The following TNIK variants were observed in gnomAD, a reference collection of about 807,000 sequenced individuals.
TNIK encodes the protein TRAF2 and NCK-interacting protein kinase.
Under a neutral mutation model 191.3 loss-of-function variants are expected in TNIK, and 49 were observed. The ratio of observed to expected loss-of-function variants is 0.26; its 90% confidence interval spans 0.20 to 0.32. The LOEUF is 0.32. TNIK is among the 10% of genes least tolerant of loss of function. The probability of loss-of-function intolerance (pLI) is 1.00; values close to 1 mark genes in which losing one functional copy is unlikely to be tolerated. For synonymous variants in TNIK, 594 were observed against 600.9 expected, an observed-to-expected ratio of 0.99 and a Z score of 0.17; for missense variants, 1,155 against 1,702.3, an observed-to-expected ratio of 0.68 and a Z score of 5.66.
chr3:171,398,125 C>A (rs557962725), intron 1 of TNIK, among the ~76,000 whole-genome samples: 1 of 152,182 alleles, frequency 6.6e-6, no homozygotes, highest in Non-Finnish European at 1.5e-5. Context: ...TCTTTTCACA[C>A]CAGTCACAGT....
intron 3 of TNIK, among the ~76,000 whole-genome samples, chr3:171,220,913 A>C (rs1034569708): frequency 2.0e-5 from 3 of 152,196 alleles, no homozygotes; most frequent in African/African-American, 4.8e-5. Flanking sequence ...GCATACACAT[A>C]CAACAAGCCC....
At chr3:171,346,698 G>A (rs1712258088) in intron 2 of TNIK, among the ~76,000 whole-genome samples, 1 of 142,272 alleles carries the variant, frequency 7.0e-6, no homozygotes, top group South Asian at 2.5e-4. Context: ...AAAGTGACAT[G>A]GAGTTAATAA....
Position 171,312,113 on chromosome 3 carries a change from T to TAAAAAAAAAAAAA in TNIK, c.123+57494_123+57506dup, listed in dbSNP as rs5854415. On this transcript the variant is annotated intron_variant, in intron 2 of 32. Coordinates refer to ENST00000436636, the MANE Select transcript of TNIK (RefSeq NM_015028.4). ...GCTGTCCCTAACGGCAGCTCCAGAT[T>TAAAAAAAAAAAAA]AAAAAAAAAAAAAAAAAAAAAAAAA... 8.9e-5 allele frequency among the ~76,000 whole-genome samples: 2 copies of TAAAAAAAAAAAAA among 22,536 alleles called. 1 individual carries two copies. Among genetic ancestry groups the TAAAAAAAAAAAAA allele is most frequent in the Non-Finnish European group, 1.5e-4 (2 of 13,058 alleles). The allele number at this position is 22,536 out of a possible 152,430, so 14.8% of individuals were successfully genotyped here. A position where few individuals can be genotyped will look rare whatever the true frequency, so the allele number is the denominator to read the frequency against.
Position 171,157,758 on chromosome 3 carries a change from C to T in TNIK, c.1017-94G>A, listed in dbSNP as rs958739420. On this transcript the variant is annotated intron_variant, in intron 11 of 32. Coordinates refer to ENST00000436636, the MANE Select transcript of TNIK (RefSeq NM_015028.4). ...GGAGGAAAGCGGGACAAATGATTCA[C>T]CCACACACAGGGAAAGAAGAGCACA... 1.1e-5 allele frequency: 14 copies of T among 1,265,784 alleles called. No homozygotes were observed. In the African/African-American group the frequency reaches 2.1e-4, roughly 19 times the overall value. The allele number at this position is 1,265,784 out of a possible 1,614,324, so 78.4% of individuals were successfully genotyped here. A position where few individuals can be genotyped will look rare whatever the true frequency, so the allele number is the denominator to read the frequency against.
intron 2 of TNIK, among the ~76,000 whole-genome samples, chr3:171,265,176 G>T (rs1159862038): frequency 6.6e-6 from 1 of 152,212 alleles, no homozygotes; most frequent in African/African-American, 2.4e-5. Flanking sequence ...AGAATATGGT[G>T]CATGAGTGTA....
At chr3:171,237,070 G>A (rs1744364221) in intron 2 of TNIK, among the ~76,000 whole-genome samples, 1 of 152,150 alleles carries the variant, frequency 6.6e-6, no homozygotes, top group African/African-American at 2.4e-5. Context: ...GCAGCAGCAG[G>A]AGCAGTCTCC....
chr3:171,388,820 C>T lies in TNIK; in HGVS notation c.58-19135G>A, dbSNP rs548130967. Among the ~76,000 whole-genome samples, 6 of 152,328 alleles carry T rather than the reference C, an allele frequency of 3.9e-5. No individual in the cohort carries two copies. In the South Asian group the frequency reaches 1.2e-3, roughly 32 times the overall value. On this transcript the variant is annotated intron_variant, in intron 1 of 32. Transcript: ENST00000436636. ...TAACAGTATTTGACTATAGCACTTG[C>T]CATGTATTGTAACTATGTGTTTAAG...
intron 2 of TNIK, among the ~76,000 whole-genome samples, chr3:171,347,496 T>C (rs959727923): frequency 1.3e-5 from 2 of 152,002 alleles, no homozygotes; most frequent in African/African-American, 4.8e-5. Flanking sequence ...CTATTTCAAC[T>C]CCACTATCAT....
intron 2 of TNIK, among the ~76,000 whole-genome samples, chr3:171,310,497 TAAGA>T (rs1417462906): frequency 6.6e-6 from 1 of 152,180 alleles, no homozygotes; most frequent in Non-Finnish European, 1.5e-5. Flanking sequence ...AATTAAAATT[TAAGA>T]GAGATAAAAG....
chr3:171,227,696 A>G (rs536516756), intron 3 of TNIK, among the ~76,000 whole-genome samples: 2 of 152,308 alleles, frequency 1.3e-5, no homozygotes, highest in East Asian at 3.9e-4. Context: ...GATATTAGAT[A>G]TTTAGGGAGA....
chr3:171,359,710 T>C (rs1242425615), intron 2 of TNIK, among the ~76,000 whole-genome samples: 4 of 152,200 alleles, frequency 2.6e-5, no homozygotes, highest in African/African-American at 4.8e-5. Flanking sequence ...GCAGATTTAA[T>C]GAAATTATAC....
At chr3:171,184,212 C>G (rs1406372503) in intron 7 of TNIK, among the ~76,000 whole-genome samples, 1 of 152,006 alleles carries the variant, frequency 6.6e-6, no homozygotes, top group African/African-American at 2.4e-5. Flanking sequence ...CTTCAAAGGA[C>G]TGACTCTTAT....
At chr3:171,235,299 C>T (rs1744124442) in intron 2 of TNIK, among the ~76,000 whole-genome samples, 1 of 152,182 alleles carries the variant, frequency 6.6e-6, no homozygotes, top group African/African-American at 2.4e-5. Context: ...ACCTTGGCTT[C>T]CCAAAGTGCT....
chr3:171,354,369 G>A (rs1424917832), intron 2 of TNIK, among the ~76,000 whole-genome samples: 7 of 152,122 alleles, frequency 4.6e-5, no homozygotes, highest in African/African-American at 1.4e-4. Flanking sequence ...TAGAGCACCT[G>A]AGCTGGTCCA....
intron 2 of TNIK, among the ~76,000 whole-genome samples, chr3:171,357,862 A>G (rs1714358891): frequency 6.6e-6 from 1 of 152,168 alleles, no homozygotes. Context: ...CCATAGATGG[A>G]CACAGTGGGA....
intron 4 of TNIK, among the ~76,000 whole-genome samples, chr3:171,203,405 A>G (rs1297233154): frequency 6.6e-6 from 1 of 152,212 alleles, no homozygotes; most frequent in Admixed American, 6.5e-5. Context: ...TTGAGTATGT[A>G]TGGAAGACAA....
chr3:171,243,074 C>G (rs775442647), intron 2 of TNIK, among the ~76,000 whole-genome samples: 26 of 152,242 alleles, frequency 1.7e-4, no homozygotes, highest in Non-Finnish European at 2.5e-4. Context: ...CTTTTTAGCT[C>G]TCATGGTTTT....
intron 12 of TNIK, among the ~76,000 whole-genome samples, chr3:171,142,673 G>A (rs1287896514): frequency 6.6e-6 from 1 of 152,200 alleles, no homozygotes; most frequent in Non-Finnish European, 1.5e-5. Context: ...AATAATACAG[G>A]AAGATGCGAG....
At chr3:171,414,883 T>C (rs1161429063) in intron 1 of TNIK, among the ~76,000 whole-genome samples, 1 of 152,246 alleles carries the variant, frequency 6.6e-6, no homozygotes, top group Non-Finnish European at 1.5e-5. Flanking sequence ...ACTCTGTTTT[T>C]AAACTAGCCA....
Sources: gnomAD v4.1 joint callset for allele counts (sites outside exome capture counted in the v4.1 genomes callset) on GRCh38, gnomAD v4.1.1 for gene constraint, MANE v1.5 for transcripts, NCBI Gene and HGNC (gene_info 2026-07-23, HGNC 2026-07-21) for gene names.